SCN10A: variants seen among roughly 807,000 people sequenced by gnomAD.
The protein encoded by SCN10A is sodium channel protein type 10 subunit alpha.
In SCN10A, 162 loss-of-function variants were observed where a neutral mutation model predicts 170.7. That is an observed-to-expected ratio of 0.95 (90% CI 0.84 to 1.08). The LOEUF is 1.08. SCN10A is among the 50% of genes least tolerant of loss of function. The probability of loss-of-function intolerance (pLI) is 0.00; values close to 1 mark genes in which losing one functional copy is unlikely to be tolerated. For synonymous variants in SCN10A, 985 were observed against 904.6 expected (o/e 1.09, Z -1.59); for missense variants, 2,527 against 2,436.9 (o/e 1.04, Z -0.78).
At chr3:38,795,706 C>T (rs918425443) in intron 1 of SCN10A, among the ~76,000 whole-genome samples, 1 of 152,104 alleles carries the variant, frequency 6.6e-6, no homozygotes, top group African/African-American at 2.4e-5. Context: ...TTTTCCCATA[C>T]ATGATTGTGA....
At chr3:38,752,687 G>C (rs1316394446) in intron 11 of SCN10A, among the ~76,000 whole-genome samples, 175 bp from the exon 12 acceptor site, 4 of 152,084 alleles carry the variant, frequency 2.6e-5, no homozygotes, top group Admixed American at 2.6e-4. Flanking sequence ...TGGGGAAAAA[G>C]AAAAAAGGAG....
intron 13 of SCN10A, among the ~76,000 whole-genome samples, chr3:38,748,450 C>T (rs958825982): frequency 6.6e-6 from 1 of 152,214 alleles, no homozygotes; most frequent in Non-Finnish European, 1.5e-5. Context: ...ACCATGGGAA[C>T]TGTCTCTTGT....
At chr3:38,763,382 G>A in intron 6 of SCN10A, 123 bp downstream of exon 6, 1 of 777,254 alleles carries the variant, frequency 1.3e-6, no homozygotes, top group Non-Finnish European at 2.2e-6. Flanking sequence ...CCAGGCCTCA[G>A]TTCCTTTGTC....
intron 1 of SCN10A, among the ~76,000 whole-genome samples, chr3:38,813,464 A>G (rs1177479770): frequency 6.6e-6 from 1 of 152,232 alleles, no homozygotes; most frequent in Non-Finnish European, 1.5e-5. Flanking sequence ...ATAGGAGATA[A>G]TAGACTAGGC....
chr3:38,723,692 GC>G, intron 18 of SCN10A, 139 bp from the exon 19 acceptor site: 1 of 1,081,278 alleles, frequency 9.2e-7, no homozygotes, highest in Non-Finnish European at 1.3e-6. Flanking sequence ...TCTCCCTGGA[GC>G]CCCAGAGGCT....
chr3:38,713,995 C>T lies in SCN10A; in HGVS notation c.3767G>A (p.Arg1256Gln), dbSNP rs1280130231. Residue 1256 changes from arginine (R) to glutamine (Q), a missense_variant, in exon 22 of 28, where the codon CGG becomes CAG. Physicochemically the swap from Arg to Gln is conservative, Grantham distance 43 (BLOSUM62 1). Transcript: ENST00000449082. ...AAATCGAGAAAGAGCCCGCAGTGGCCGCAGAGCGCGAAGGGTTCGAAGGGC... is the reference window on the plus strand; with the variant it reads ...AAATCGAGAAAGAGCCCGCAGTGGCTGCAGAGCGCGAAGGGTTCGAAGGGC... ...IKALRTLRAL[R>Q]PLRALSRFEG... 3.7e-6 allele frequency: 6 copies of T among 1,613,858 alleles called. No individual in the cohort carries two copies. Among genetic ancestry groups the T allele is most frequent in the Admixed American group, 1.7e-5 (1 of 60,010 alleles).
At position 38,702,074 on chromosome 3, in the gene SCN10A, G is replaced by C. The variant is rs759735617; in HGVS notation, c.4422C>G (p.Thr1474=). The C allele has an allele frequency of 1.3e-6, 2 of 1,576,988 alleles. No individual in the cohort carries two copies. The highest frequency in any genetic ancestry group is 2.4e-5 in the South Asian group (2 of 84,366). ...TGATGGTGATGTCAAAAGCTTGTCT[G>C]GTCACGATGTCAAAGACAAAACCCT... The part of the protein sequence containing the change: ...KFQGFVFDIV[T]RQAFDITIMV... Residue 1474 remains threonine, a synonymous_variant, in exon 27 of 28, where the codon ACC becomes ACG. Coordinates refer to ENST00000449082, the MANE Select transcript of SCN10A (RefSeq NM_006514.4).
chr3:38,798,786 C>CT (rs35930968), intron 1 of SCN10A, among the ~76,000 whole-genome samples: 25,425 of 96,856 alleles, frequency 0.26, 4,172 homozygotes, highest in East Asian at 0.51. Flanking sequence ...CCCTTGCCTC[C>CT]TTTTTTTTTT....
Position 38,750,066 on chromosome 3 carries a change from C to T in SCN10A, c.1867+7G>A, listed in dbSNP as rs755845974. 6 of 1,519,980 alleles carry T rather than the reference C, an allele frequency of 3.9e-6. No homozygotes were observed. Among genetic ancestry groups the T allele is most frequent in the Admixed American group, 1.7e-5 (1 of 59,754 alleles). 94.2% of individuals were successfully genotyped at this position (1,519,980 alleles called of 1,614,324 possible). The stretch of plus-strand genomic sequence containing the variant: ...AGTGGATGAACAATGCAGTGAGCAG[C>T]ACTTACCCTCAAGGACGGAGGTTAT... On this transcript the variant is annotated splice_region_variant and intron_variant, in intron 13 of 27. Coordinates refer to ENST00000449082, the MANE Select transcript of SCN10A (RefSeq NM_006514.4).
intron 16 of SCN10A, 23 bp downstream of exon 16, chr3:38,728,519 C>G (rs1315715394): frequency 7.1e-6 from 11 of 1,547,098 alleles, no homozygotes; most frequent in Non-Finnish European, 8.7e-6. Context: ...GAGACAGTGC[C>G]CCCAGCAGGG....
chr3:38,753,005 A>T (rs184692730), intron 11 of SCN10A, among the ~76,000 whole-genome samples: 3 of 152,350 alleles, frequency 2.0e-5, no homozygotes. Flanking sequence ...ATTAGATCCC[A>T]TCTGTATGAA....
intron 1 of SCN10A, among the ~76,000 whole-genome samples, chr3:38,815,613 C>T (rs1559474861): frequency 6.6e-6 from 1 of 152,148 alleles, no homozygotes; most frequent in South Asian, 2.1e-4. Flanking sequence ...GCTTTCTGTG[C>T]CCCTTTTTGT....
intron 14 of SCN10A, 98 bp from the exon 15 acceptor site, chr3:38,739,786 A>C: frequency 2.9e-6 from 3 of 1,034,954 alleles, no homozygotes; most frequent in African/African-American, 3.2e-5. Flanking sequence ...CAAAATAGAA[A>C]ATCCTTTTGT....
chr3:38,717,281 G>T (rs2063343112), intron 21 of SCN10A, among the ~76,000 whole-genome samples: 2 of 152,038 alleles, frequency 1.3e-5, no homozygotes. Context: ...AGACTGAATG[G>T]TTGGATACAA....
intron 14 of SCN10A, among the ~76,000 whole-genome samples, chr3:38,741,369 C>G (rs1422097817): frequency 1.3e-5 from 2 of 152,084 alleles, no homozygotes; most frequent in African/African-American, 2.4e-5. Context: ...GAAAAGCGGG[C>G]TTGGCAGCCG....
At chr3:38,807,718 T>G (rs1457930613) in intron 1 of SCN10A, among the ~76,000 whole-genome samples, 1 of 152,164 alleles carries the variant, frequency 6.6e-6, no homozygotes, top group Non-Finnish European at 1.5e-5. Flanking sequence ...GACCTGACTA[T>G]CCACCTGTTC....
chr3:38,772,718 CAA>C (rs2064020154), intron 4 of SCN10A, among the ~76,000 whole-genome samples: 1 of 76,582 alleles, frequency 1.3e-5, no homozygotes, highest in African/African-American at 5.6e-5. Context: ...GCAACAACAA[CAA>C]CAACAAAAAC....
intron 8 of SCN10A, among the ~76,000 whole-genome samples, chr3:38,760,402 C>T (rs1185598602): frequency 6.6e-6 from 1 of 152,182 alleles, no homozygotes. Context: ...TCAATGTCAC[C>T]CAATGCCCAT....
intron 25 of SCN10A, among the ~76,000 whole-genome samples, chr3:38,708,467 A>G (rs543701791): frequency 1.3e-5 from 2 of 152,240 alleles, no homozygotes; most frequent in East Asian, 3.9e-4. Context: ...CTTGTCCCAG[A>G]CCTATCCTGT....
Sources: allele counts gnomAD v4.1 joint callset (sites outside exome capture counted in the v4.1 genomes callset), GRCh38; gene constraint gnomAD v4.1.1; transcripts MANE v1.5; gene names NCBI Gene and HGNC (gene_info 2026-07-23, HGNC 2026-07-21).